FKTN: variants seen among roughly 807,000 people sequenced by gnomAD.
FKTN encodes ribitol-5-phosphate transferase FKTN.
FKTN carries 47 observed loss-of-function variants against 58.6 expected under a neutral mutation model. The observed-to-expected ratio is 0.80, with a 90% CI of 0.63 to 1.02. The LOEUF is 1.02. FKTN is among the 50% of genes least tolerant of loss of function. The pLI is 0.00. For missense variants in FKTN, 516 were observed against 537.3 expected, an observed-to-expected ratio of 0.96 and a Z score of 0.39; for synonymous variants, 178 against 191.9, an observed-to-expected ratio of 0.93 and a Z score of 0.60.
intron 3 of FKTN, among the ~76,000 whole-genome samples, chr9:105,575,398 A>G (rs1319382883): frequency 6.6e-6 from 1 of 152,234 alleles, no homozygotes; most frequent in Non-Finnish European, 1.5e-5. Flanking sequence ...TAAACAGATT[A>G]TCCTTCATTT....
intron 1 of FKTN, among the ~76,000 whole-genome samples, chr9:105,560,494 C>T (rs1407640410): frequency 1.3e-5 from 2 of 152,134 alleles, no homozygotes; most frequent in Non-Finnish European, 2.9e-5. Flanking sequence ...AATAATTTTA[C>T]TTCTTATGAA....
At chr9:105,604,109 C>T in intron 5 of FKTN, 106 bp from the exon 6 acceptor site, 1 of 1,198,068 alleles carries the variant, frequency 8.3e-7, no homozygotes, top group South Asian at 1.2e-5. Context: ...AAAAATATGG[C>T]TCAAGTTCAA....
intron 10 of FKTN, among the ~76,000 whole-genome samples, chr9:105,632,384 A>G (rs1355075626): frequency 6.6e-6 from 1 of 151,242 alleles, no homozygotes; most frequent in Non-Finnish European, 1.5e-5. Flanking sequence ...TAACCTGCAC[A>G]ATGTGCACAT....
At chr9:105,595,147 T>G (rs1300657043) in intron 3 of FKTN, among the ~76,000 whole-genome samples, 1 of 152,116 alleles carries the variant, frequency 6.6e-6, no homozygotes, top group Non-Finnish European at 1.5e-5. Flanking sequence ...GAGAAGATAA[T>G]TAGTGTTATG....
intron 1 of FKTN, among the ~76,000 whole-genome samples, chr9:105,572,657 C>T (rs1030497377): frequency 2.0e-5 from 3 of 152,170 alleles, no homozygotes; most frequent in African/African-American, 7.2e-5. Context: ...TGAGGAAGTG[C>T]ACAGATACCC....
At chr9:105,615,684 C>A (rs564570112) in intron 8 of FKTN, among the ~76,000 whole-genome samples, 9 of 152,146 alleles carry the variant, frequency 5.9e-5, no homozygotes, top group African/African-American at 2.2e-4. Flanking sequence ...ATACAATAGT[C>A]CCCCCTTATC....
intron 8 of FKTN, 102 bp from the exon 9 acceptor site, chr9:105,617,857 T>A: frequency 1.1e-4 from 85 of 758,146 alleles, no homozygotes; most frequent in East Asian, 1.5e-4. Context: ...TCTGTCTCTT[T>A]AAAAAAAAAG....
intron 2 of FKTN, among the ~76,000 whole-genome samples, chr9:105,574,029 A>G (rs1043976806): frequency 3.9e-5 from 6 of 152,230 alleles, no homozygotes; most frequent in African/African-American, 9.6e-5. Flanking sequence ...GATATAGCAA[A>G]TGGATTGGCA....
At chr9:105,595,662 C>G (rs1826642196) in intron 3 of FKTN, among the ~76,000 whole-genome samples, 1 of 152,270 alleles carries the variant, frequency 6.6e-6, no homozygotes, top group South Asian at 2.1e-4. Context: ...CTTTACTAAG[C>G]TATAAAAATC....
At chr9:105,564,092 A>C (rs755423124) in intron 1 of FKTN, among the ~76,000 whole-genome samples, 27 of 152,372 alleles carry the variant, frequency 1.8e-4, no homozygotes, top group South Asian at 6.2e-4. Flanking sequence ...GAGGGTCCTG[A>C]CTGTTAGAAG....
At chr9:105,577,904 C>T (rs1257762266) in intron 3 of FKTN, among the ~76,000 whole-genome samples, 9 of 151,106 alleles carry the variant, frequency 6.0e-5, no homozygotes, top group South Asian at 4.2e-4. Context: ...AAGTTGGATT[C>T]CTAGGTATTT....
At chr9:105,594,694 C>T (rs529385128) in intron 3 of FKTN, among the ~76,000 whole-genome samples, 93 of 152,258 alleles carry the variant, frequency 6.1e-4, no homozygotes, top group African/African-American at 2.1e-3. Context: ...TGCAGTGAGC[C>T]GTGATCACGC....
At chr9:105,575,229 A>G (rs1349445977) in intron 3 of FKTN, 92 bp downstream of exon 3, 4 of 795,360 alleles carry the variant, frequency 5.0e-6, no homozygotes, top group African/African-American at 3.4e-5. Flanking sequence ...AATATTAATC[A>G]TGGGTATTCA....
intron 7 of FKTN, among the ~76,000 whole-genome samples, chr9:105,608,920 C>T (rs1351582227): frequency 6.6e-6 from 1 of 152,240 alleles, no homozygotes; most frequent in Non-Finnish European, 1.5e-5. Context: ...CACATAATAA[C>T]AGGAAGTAGA....
At chr9:105,593,916 T>C (rs1384802186) in intron 3 of FKTN, among the ~76,000 whole-genome samples, 1 of 152,142 alleles carries the variant, frequency 6.6e-6, no homozygotes, top group Non-Finnish European at 1.5e-5. Context: ...GGAGAGGAAT[T>C]GGAGGCAATG....
intron 10 of FKTN, among the ~76,000 whole-genome samples, chr9:105,631,088 G>A (rs1467429546): frequency 6.6e-6 from 1 of 152,076 alleles, no homozygotes; most frequent in African/African-American, 2.4e-5. Context: ...AGCTGAGGTC[G>A]CACCACTGTA....
At position 105,635,721 on chromosome 9, in the gene FKTN, T is replaced by G; in HGVS notation, c.*457T>G. 1 of 1,029,148 alleles carries G rather than the reference T, an allele frequency of 9.7e-7. No homozygotes were observed. The highest frequency in any genetic ancestry group is 1.2e-6 in the Non-Finnish European group (1 of 855,980). The allele number at this position is 1,029,148 out of a possible 1,614,324, so 63.8% of individuals were successfully genotyped here. On this transcript the variant is annotated 3_prime_UTR_variant, in exon 11 of 11. Transcript: ENST00000357998. ...TAAGCTGGTATGTTAGTGCTACTTT[T>G]AAGATTGTGGAGTCTGAGTTAATAT...
chr9:105,599,689 A>T (rs566359703), intron 4 of FKTN, among the ~76,000 whole-genome samples: 2 of 151,866 alleles, frequency 1.3e-5, no homozygotes, highest in Admixed American at 6.6e-5. Context: ...TTTTTAGTAG[A>T]GACAGGGTTT....
At chr9:105,581,816 G>A (rs1333469055) in intron 3 of FKTN, among the ~76,000 whole-genome samples, 4 of 152,214 alleles carry the variant, frequency 2.6e-5, no homozygotes, top group South Asian at 2.1e-4. Flanking sequence ...AGCAATCAGC[G>A]AGATTCCGTG....
Sources: allele counts gnomAD v4.1 joint callset (sites outside exome capture counted in the v4.1 genomes callset), GRCh38; gene constraint gnomAD v4.1.1; transcripts MANE v1.5; gene names NCBI Gene and HGNC (gene_info 2026-07-23, HGNC 2026-07-21).